WASF2: variants seen among roughly 807,000 people sequenced by gnomAD.
WASF2 encodes WASP family member 2.
In WASF2, 14 loss-of-function variants were observed where a neutral mutation model predicts 45.0. The observed-to-expected ratio is 0.31, with a 90% CI of 0.21 to 0.49. The LOEUF (loss-of-function observed/expected upper bound fraction) is 0.49. Ranked by LOEUF, WASF2 falls within the 20% of genes least tolerant of loss-of-function variation. The pLI is 0.99. For synonymous variants in WASF2, 200 were observed against 236.3 expected (o/e 0.85, Z 1.41); for missense variants, 439 against 636.1 (o/e 0.69, Z 3.33).
chr1:27,469,772 T>C (rs1245361899), intron 1 of WASF2, among the ~76,000 whole-genome samples: 3 of 152,090 alleles, frequency 2.0e-5, no homozygotes, highest in African/African-American at 7.2e-5. Flanking sequence ...TGAAACCCCA[T>C]CTCTACTAAA....
intron 1 of WASF2, among the ~76,000 whole-genome samples, chr1:27,437,603 A>T (rs982731265): frequency 1.3e-5 from 2 of 152,208 alleles, no homozygotes; most frequent in Non-Finnish European, 2.9e-5. Flanking sequence ...TTTCAGTTAC[A>T]GACAAAGTTC....
intron 2 of WASF2, among the ~76,000 whole-genome samples, chr1:27,421,464 G>C (rs576647076): frequency 4.6e-5 from 7 of 152,002 alleles, no homozygotes; most frequent in Non-Finnish European, 7.4e-5. Context: ...GATCACTTGA[G>C]GCCAGAAGTT....
At position 27,406,148 on chromosome 1, in the gene WASF2, G is replaced by A. The variant is rs533509261; in HGVS notation, c.*2041C>T. On this transcript the variant is annotated 3_prime_UTR_variant, in exon 9 of 9. Coordinates refer to ENST00000618852, the MANE Select transcript of WASF2 (RefSeq NM_006990.5). ...TCTGCCTGCCTCTCCAACTACTGCT[G>A]GGCTGCGGCCCAGGCGCCTTCAACG... The A allele has an allele frequency of 6.5e-6, 1 of 152,868 alleles. No homozygotes were observed. The highest frequency in any genetic ancestry group is 2.1e-4 in the South Asian group (1 of 4,826). 9.5% of individuals were successfully genotyped at this position (152,868 alleles called of 1,614,324 possible). A position where few individuals can be genotyped will look rare whatever the true frequency, so the allele number is the denominator to read the frequency against.
chr1:27,444,670 C>G (rs2017288811), intron 1 of WASF2, among the ~76,000 whole-genome samples: 1 of 152,178 alleles, frequency 6.6e-6, no homozygotes, highest in African/African-American at 2.4e-5. Context: ...TCTTCAGGAA[C>G]ATGGAGACAA....
chr1:27,475,344 C>T (rs1326946747), intron 1 of WASF2, among the ~76,000 whole-genome samples: 2 of 152,116 alleles, frequency 1.3e-5, no homozygotes, highest in Non-Finnish European at 2.9e-5. Flanking sequence ...TTGTTACCAC[C>T]GTTCACTAAT....
intron 2 of WASF2, among the ~76,000 whole-genome samples, chr1:27,422,958 G>GTGAAA (rs1397884414): frequency 6.6e-6 from 1 of 151,988 alleles, no homozygotes; most frequent in Non-Finnish European, 1.5e-5. Context: ...GGCCAACATG[G>GTGAAA]TGAAACCCTG....
intron 1 of WASF2, among the ~76,000 whole-genome samples, chr1:27,450,618 A>G (rs1173149286): frequency 6.6e-6 from 1 of 152,064 alleles, no homozygotes; most frequent in Non-Finnish European, 1.5e-5. Context: ...CTTCTGCCTC[A>G]GCCTCCTGAG....
intron 1 of WASF2, among the ~76,000 whole-genome samples, chr1:27,486,745 A>G (rs1380102464): frequency 6.6e-6 from 1 of 151,926 alleles, no homozygotes; most frequent in East Asian, 1.9e-4. Flanking sequence ...CCAACATGGC[A>G]AAACCCTATC....
intron 1 of WASF2, among the ~76,000 whole-genome samples, chr1:27,439,372 T>C (rs2017178695): frequency 6.6e-6 from 1 of 152,244 alleles, no homozygotes; most frequent in African/African-American, 2.4e-5. Context: ...GATTGACATC[T>C]ATCTAGCACA....
chr1:27,438,284 G>C (rs2017163844), intron 1 of WASF2, among the ~76,000 whole-genome samples: 1 of 152,196 alleles, frequency 6.6e-6, no homozygotes, highest in African/African-American at 2.4e-5. Flanking sequence ...AAGCAGCACT[G>C]AGTACTGTAC....
rs2016687446 is a variant in WASF2 at position 27,407,044 on chromosome 1, A to C, written c.*1145T>G. ...TGGCTGGTGACAGAAAAGGGGCAAC[A>C]AAGAATGACAAGAGAGGCTATGAAG... is the stretch of plus-strand genomic sequence containing the variant. On this transcript the variant is annotated 3_prime_UTR_variant, in exon 9 of 9. Coordinates refer to ENST00000618852, the MANE Select transcript of WASF2 (RefSeq NM_006990.5). 6.6e-6 allele frequency: 1 copy of C among 152,384 alleles called. No homozygotes were observed. The highest frequency in any genetic ancestry group is 1.5e-5 in the Non-Finnish European group (1 of 68,170). The allele number at this position is 152,384 out of a possible 1,614,324, so 9.4% of individuals were successfully genotyped here. A position where few individuals can be genotyped will look rare whatever the true frequency, so the allele number is the denominator to read the frequency against.
In WASF2 at chr1:27,419,094, A is replaced by G; in HGVS notation, c.131-6T>C. On this transcript the variant is annotated splice_polypyrimidine_tract_variant and splice_region_variant and intron_variant, in intron 2 of 8. Transcript: ENST00000618852. ...AATGTCCTCTGCATATTTACCTGGA[A>G]AGAGCAAAGAAACCAAGTCACTAGT... 1 of 1,613,038 alleles carries G rather than the reference A, an allele frequency of 6.2e-7. No individual in the cohort carries two copies. The highest frequency in any genetic ancestry group is 8.5e-7 in the Non-Finnish European group (1 of 1,179,238).
At chr1:27,470,814 A>C (rs1022342158) in intron 1 of WASF2, among the ~76,000 whole-genome samples, 1 of 152,148 alleles carries the variant, frequency 6.6e-6, no homozygotes, top group Non-Finnish European at 1.5e-5. Flanking sequence ...CTCATCATTA[A>C]AACCTACATA....
intron 1 of WASF2, among the ~76,000 whole-genome samples, chr1:27,485,280 C>T (rs556985577): frequency 6.6e-6 from 1 of 152,094 alleles, no homozygotes; most frequent in East Asian, 1.9e-4. Context: ...CTACAAATTA[C>T]TATTTAAAGA....
chr1:27,473,300 G>A (rs1408460634), intron 1 of WASF2, among the ~76,000 whole-genome samples: 1 of 151,668 alleles, frequency 6.6e-6, no homozygotes, highest in Non-Finnish European at 1.5e-5. Context: ...CTAACATGGT[G>A]AAACCCCGTC....
In WASF2 at chr1:27,412,953, G is replaced by T. The variant is rs558427540; in HGVS notation, c.669-226C>A. 3.9e-5 allele frequency among the ~76,000 whole-genome samples: 6 copies of T among 152,266 alleles called. No individual in the cohort carries two copies. In the South Asian group the frequency reaches 1.2e-3, roughly 32 times the overall value. On this transcript the variant is annotated intron_variant, in intron 6 of 8. Transcript: ENST00000618852. ...TATGCTGAATTGTTTGTAGTAACAG[G>T]ATTCAACCCAGATTATCAAAACCAT...
At chr1:27,465,384 A>G (rs2017600732) in intron 1 of WASF2, among the ~76,000 whole-genome samples, 2 of 152,236 alleles carry the variant, frequency 1.3e-5, no homozygotes, top group African/African-American at 4.8e-5. Context: ...TCATTAAACC[A>G]GGTACAAGGA....
Position 27,484,811 on chromosome 1 carries a change from C to CAAAAAAAAAAAAAAAAAAA in WASF2, c.-44+5174_-44+5175insTTTTTTTTTTTTTTTTTTT, listed in dbSNP as rs58153446. 1.2e-3 allele frequency among the ~76,000 whole-genome samples: 149 copies of CAAAAAAAAAAAAAAAAAAA among 124,462 alleles called. 2 individuals are homozygous for CAAAAAAAAAAAAAAAAAAA. The highest frequency in any genetic ancestry group is 4.6e-3 in the African/African-American group (139 of 30,282). 81.7% of individuals were successfully genotyped at this position (124,462 alleles called of 152,430 possible). A position where few individuals can be genotyped will look rare whatever the true frequency, so the allele number is the denominator to read the frequency against. On this transcript the variant is annotated intron_variant, in intron 1 of 8. Transcript: ENST00000618852. ...TGGATGACAGAGCGAGACTCTGTCT[C>CAAAAAAAAAAAAAAAAAAA]AAAAAAAAAAAGAATACTCTAAAGG...
chr1:27,438,039 A>AT (rs2017159785), intron 1 of WASF2, among the ~76,000 whole-genome samples: 1 of 152,230 alleles, frequency 6.6e-6, no homozygotes, highest in Admixed American at 6.5e-5. Context: ...ATGACAGAAG[A>AT]GAGTGCTCTC....
Sources: allele counts gnomAD v4.1 joint callset (sites outside exome capture counted in the v4.1 genomes callset), GRCh38; gene constraint gnomAD v4.1.1; transcripts MANE v1.5; gene names NCBI Gene and HGNC (gene_info 2026-07-23, HGNC 2026-07-21).